Variants in BCL2 observed in about 807,000 individuals in gnomAD.
BCL2 encodes apoptosis regulator Bcl-2.
A neutral mutation model predicts 14.2 loss-of-function variants in BCL2; 1 was observed. The ratio of observed to expected loss-of-function variants is 0.07; its 90% CI spans 0.02 to 0.33. The LOEUF (loss-of-function observed/expected upper bound fraction) is 0.33. BCL2 is among the 10% of genes least tolerant of loss of function. The pLI is 0.99. For missense variants in BCL2, 247 were observed against 305.9 expected (o/e 0.81, Z 1.44); for synonymous variants, 151 against 137.2 (o/e 1.10, Z -0.70).
At position 63,313,287 on chromosome 18, in the gene BCL2, G is replaced by A. The variant is rs367820414; in HGVS notation, c.585+4795C>T. On this transcript the variant is annotated intron_variant, in intron 2 of 2. Coordinates refer to ENST00000333681, the MANE Select transcript of BCL2 (RefSeq NM_000633.3). The stretch of plus-strand genomic sequence containing the variant: ...TGTAAGACTGGCAATCACATCTGTG[G>A]AATAACTGTCAGTCCTTGGATGATT... Among the ~76,000 whole-genome samples, 4 of 152,254 alleles carry A rather than the reference G, an allele frequency of 2.6e-5. 1 individual carries two copies.
intron 2 of BCL2, among the ~76,000 whole-genome samples, chr18:63,307,081 T>A (rs1037848387): frequency 6.6e-6 from 1 of 152,076 alleles, no homozygotes; most frequent in Admixed American, 6.5e-5. Flanking sequence ...TCTGCTTTAA[T>A]CATGTGACTG....
Position 63,150,461 on chromosome 18 carries a change from T to G in BCL2, c.586-21702A>C, listed in dbSNP as rs964933737. ...CATTGTGATGGTTTTTTTTCTTTTA[T>G]TGCTAACGTACGTCTTCTCTTGTTT... On this transcript the variant is annotated intron_variant, in intron 2 of 2. Coordinates refer to ENST00000333681, the MANE Select transcript of BCL2 (RefSeq NM_000633.3). Among the ~76,000 whole-genome samples the G allele has an allele frequency of 2.6e-5, 4 of 152,244 alleles. No individual in the cohort carries two copies. In the East Asian group the frequency reaches 7.7e-4, roughly 29 times the overall value.
chr18:63,191,185 C>A (rs1483994277), intron 2 of BCL2, among the ~76,000 whole-genome samples: 1 of 152,158 alleles, frequency 6.6e-6, no homozygotes, highest in Admixed American at 6.5e-5. Context: ...ATCTTTATAA[C>A]AGAATGATTT....
chr18:63,261,224 G>T (rs1449568093), intron 2 of BCL2, among the ~76,000 whole-genome samples: 1 of 152,106 alleles, frequency 6.6e-6, no homozygotes, highest in Non-Finnish European at 1.5e-5. Flanking sequence ...AGGGCCTCAG[G>T]CTCAGTGCTT....
intron 2 of BCL2, among the ~76,000 whole-genome samples, chr18:63,155,402 G>C (rs965468703): frequency 1.3e-5 from 2 of 152,146 alleles, no homozygotes; most frequent in Non-Finnish European, 2.9e-5. Context: ...GGACGTGATT[G>C]ATGTCGGGTG....
intron 2 of BCL2, among the ~76,000 whole-genome samples, chr18:63,212,499 A>G (rs1347928376): frequency 6.6e-6 from 1 of 151,820 alleles, no homozygotes; most frequent in Non-Finnish European, 1.5e-5. Context: ...CCAAGGGTAG[A>G]GAGTGAGTAT....
chr18:63,248,122 G>A (rs1312039489), intron 2 of BCL2, among the ~76,000 whole-genome samples: 1 of 152,218 alleles, frequency 6.6e-6, no homozygotes, highest in Non-Finnish European at 1.5e-5. Flanking sequence ...GATTGTTTCA[G>A]TAAATAACAA....
At position 63,241,266 on chromosome 18, in the gene BCL2, T is replaced by G. The variant is rs183097449; in HGVS notation, c.585+76816A>C. Among the ~76,000 whole-genome samples, 10 of 152,190 alleles carry G rather than the reference T, an allele frequency of 6.6e-5. No individual in the cohort carries two copies. In the South Asian group the frequency reaches 1.2e-3, roughly 19 times the overall value. ...TGTTATTTTCAATAATGAGACAAAG[T>G]GCAGAAAACATAAATGTTAAAGGGT... On this transcript the variant is annotated intron_variant, in intron 2 of 2. Transcript: ENST00000333681.
intron 2 of BCL2, among the ~76,000 whole-genome samples, chr18:63,218,635 A>C: frequency 7.9e-6 from 1 of 126,528 alleles, no homozygotes; most frequent in Non-Finnish European, 1.7e-5. Flanking sequence ...CATCCCATCC[A>C]CTCATCCCAT....
chr18:63,290,060 G>A (rs1912601700), intron 2 of BCL2, among the ~76,000 whole-genome samples: 3 of 152,104 alleles, frequency 2.0e-5, no homozygotes, highest in Non-Finnish European at 2.9e-5. Context: ...GAAGGATGCT[G>A]GGCTCAAAAA....
chr18:63,217,663 T>G (rs117256284), intron 2 of BCL2, among the ~76,000 whole-genome samples: 3,609 of 152,306 alleles, frequency 0.024, 117 homozygotes, highest in South Asian at 0.089. Context: ...TTGAGTTCAG[T>G]CCCAGCTTTT....
intron 2 of BCL2, among the ~76,000 whole-genome samples, chr18:63,172,752 G>A (rs571051712): frequency 2.0e-5 from 3 of 152,324 alleles, no homozygotes; most frequent in African/African-American, 7.2e-5. Context: ...CTGCACTCCA[G>A]CCTGGGCGAC....
chr18:63,200,574 A>C (rs556437505), intron 2 of BCL2, among the ~76,000 whole-genome samples: 9 of 152,344 alleles, frequency 5.9e-5, no homozygotes, highest in African/African-American at 1.9e-4. Flanking sequence ...AGAGCCAAAA[A>C]TGATAGAGTT....
At chr18:63,132,817 T>A (rs1229448327) in intron 2 of BCL2, among the ~76,000 whole-genome samples, 1 of 152,242 alleles carries the variant, frequency 6.6e-6, no homozygotes, top group African/African-American at 2.4e-5. Flanking sequence ...AATAAACACA[T>A]GCTCATTTTA....
chr18:63,307,028 T>G (rs986116622), intron 2 of BCL2, among the ~76,000 whole-genome samples: 1 of 152,162 alleles, frequency 6.6e-6, no homozygotes. Flanking sequence ...CTCAATATTT[T>G]TTTAAAAGTA....
intron 2 of BCL2, among the ~76,000 whole-genome samples, chr18:63,258,457 T>C (rs1199936692): frequency 6.6e-6 from 1 of 152,234 alleles, no homozygotes; most frequent in Admixed American, 6.5e-5. Flanking sequence ...GGCAGGGCTG[T>C]TATTTTTTAT....
intron 2 of BCL2, among the ~76,000 whole-genome samples, chr18:63,154,740 A>C (rs1373112704): frequency 6.6e-6 from 1 of 152,024 alleles, no homozygotes; most frequent in Non-Finnish European, 1.5e-5. Context: ...CAGTGAACTC[A>C]CTGCCACCTG....
chr18:63,267,525 T>C (rs1911867404), intron 2 of BCL2, among the ~76,000 whole-genome samples: 1 of 152,164 alleles, frequency 6.6e-6, no homozygotes, highest in African/African-American at 2.4e-5. Context: ...AGGACTGTGA[T>C]GCAACTCACT....
At chr18:63,243,467 C>T (rs867301801) in intron 2 of BCL2, among the ~76,000 whole-genome samples, 3 of 152,140 alleles carry the variant, frequency 2.0e-5, no homozygotes, top group African/African-American at 7.2e-5. Context: ...CCCCATGACA[C>T]AAGTTTATCT....
Sources: allele counts gnomAD v4.1 joint callset (sites outside exome capture counted in the v4.1 genomes callset), GRCh38; gene constraint gnomAD v4.1.1; transcripts MANE v1.5; gene names NCBI Gene and HGNC (gene_info 2026-07-23, HGNC 2026-07-21).